The following KIAA1671 variants were observed in gnomAD, a reference collection of about 807,000 sequenced individuals.
KIAA1671 encodes the protein uncharacterized protein KIAA1671.
KIAA1671 carries 52 observed loss-of-function variants against 131.2 expected under a neutral mutation model. That is an observed-to-expected ratio of 0.40 (90% CI 0.32 to 0.50). The LOEUF (loss-of-function observed/expected upper bound fraction) is 0.50, where lower values mean the gene tolerates loss of function less well. Among genes scored for constraint, KIAA1671 ranks in the 20% least tolerant of loss-of-function variants. The pLI is 0.73. For synonymous variants in KIAA1671, 1,003 were observed against 961.6 expected (o/e 1.04, Z -0.80); for missense variants, 2,360 against 2,364.2 (o/e 1.00, Z 0.04).
At chr22:24,991,109 T>C (rs1923817490) in intron 1 of KIAA1671, among the ~76,000 whole-genome samples, 1 of 152,162 alleles carries the variant, frequency 6.6e-6, no homozygotes, top group Admixed American at 6.5e-5. Flanking sequence ...AACCTCCGCC[T>C]TCCGGGTTCA....
intron 1 of KIAA1671, among the ~76,000 whole-genome samples, chr22:25,004,117 ATTTT>A (rs112970400): frequency 7.1e-6 from 1 of 141,144 alleles, no homozygotes; most frequent in Admixed American, 7.1e-5. Context: ...GTGCCCGGCC[ATTTT>A]TTTTTTTTTT....
Position 25,039,060 on chromosome 22 carries a change from C to A in KIAA1671, c.1930C>A (p.Arg644Ser). 1.3e-6 allele frequency: 2 copies of A among 1,551,722 alleles called. No homozygotes were observed. The highest frequency in any genetic ancestry group is 1.7e-4 in the Middle Eastern group (1 of 5,992). ...ACCCCCTGGTGACATGGCCCATGCC[C>A]GTGTCTCAGAACCCAGGCCGAGGCC... The part of the protein sequence containing the change: ...TTPPGDMAHA[R>S]VSEPRPRPEM... The change falls in exon 5 of 13, where the codon CGT becomes AGT. Residue 644 changes from arginine (R) to serine (S), a missense_variant. This residue lies in a region of KIAA1671 where 1,185 missense variants were observed against 1,126.2 expected (regional missense o/e 1.05). Transcript: ENST00000358431.
intron 6 of KIAA1671, among the ~76,000 whole-genome samples, chr22:25,075,861 C>T (rs1024111525): frequency 2.7e-5 from 4 of 146,476 alleles, no homozygotes; most frequent in Non-Finnish European, 4.5e-5. Flanking sequence ...CTGCAACCTC[C>T]TCCTCCCGGG....
intron 6 of KIAA1671, among the ~76,000 whole-genome samples, chr22:25,096,405 G>A (rs1930391355): frequency 6.6e-6 from 1 of 152,158 alleles, no homozygotes; most frequent in Admixed American, 6.5e-5. Flanking sequence ...CCTCAGCTAC[G>A]TAGGAGTGGA....
chr22:25,030,102 G>A (rs1021155919), intron 3 of KIAA1671, among the ~76,000 whole-genome samples: 71 of 152,324 alleles, frequency 4.7e-4, no homozygotes, highest in African/African-American at 1.5e-3. Context: ...AAGTCAGTTG[G>A]TTAATAATGA....
rs1386227460 is a variant in KIAA1671 at position 25,041,398 on chromosome 22, C to T, written c.4268C>T (p.Ser1423Phe). 3 of 1,551,776 alleles carry T rather than the reference C, an allele frequency of 1.9e-6. No individual in the cohort carries two copies. The East Asian group carries it at 7.3e-5, about 38-fold the overall frequency. ...GPPANIREGL[S>F]IMHEARERRR... is the part of the protein sequence containing the mutation. Reference sequence around the variant, plus strand: ...CCTGCCAACATCCGAGAGGGCCTGTCCATCATGCATGAAGCCAGAGAGAGG... The same window carrying T: ...CCTGCCAACATCCGAGAGGGCCTGTTCATCATGCATGAAGCCAGAGAGAGG... The change falls in exon 5 of 13, where the codon TCC becomes TTC. Residue 1423 changes from serine to phenylalanine, a missense_variant. Ser to Phe is a radical substitution (Grantham distance 155). This residue lies in a region of KIAA1671 where 1,161 missense variants were observed against 1,204.7 expected (regional missense o/e 0.96). Coordinates refer to ENST00000358431, the MANE Select transcript of KIAA1671 (RefSeq NM_001145206.2).
intron 6 of KIAA1671, among the ~76,000 whole-genome samples, chr22:25,166,436 G>A (rs1933647609): frequency 6.6e-6 from 1 of 152,174 alleles, no homozygotes; most frequent in South Asian, 2.1e-4. Context: ...AAGAGGTCTG[G>A]AAACTGCCCC....
intron 5 of KIAA1671, 142 bp downstream of exon 5, chr22:25,041,667 A>G (rs742165): frequency 0.69 from 550,447 of 797,088 alleles, 194,360 homozygotes; most frequent in African/African-American, 0.93. Context: ...AGGGAGGGGT[A>G]TGGATTGTGG....
Position 25,177,418 on chromosome 22 carries a change from C to T in KIAA1671, c.4970C>T (p.Ala1657Val), listed in dbSNP as rs1204895796. 1.3e-6 allele frequency: 2 copies of T among 1,551,646 alleles called. No individual in the cohort carries two copies. Among genetic ancestry groups the T allele is most frequent in the Non-Finnish European group, 8.7e-7 (1 of 1,147,018 alleles). ...VQLSKRSRRRAPISHSLRRSR... is the reference protein window; with the variant it reads ...VQLSKRSRRRVPISHSLRRSR... ...CTCAGCAAGAGAAGCCGCCGCCGGG[C>T]CCCCATCTCCCACTCCCTCCGGCGC... is the stretch of plus-strand genomic sequence containing the variant. Residue 1657 changes from alanine to valine, a missense_variant, in exon 9 of 13, where the codon GCC becomes GTC. By Grantham distance (64) the Ala-to-Val change is moderately conservative. This residue lies in a region of KIAA1671 where 1,161 missense variants were observed against 1,204.7 expected (regional missense o/e 0.96). Transcript: ENST00000358431.
At chr22:25,118,666 T>C (rs1464136658) in intron 6 of KIAA1671, among the ~76,000 whole-genome samples, 1 of 151,790 alleles carries the variant, frequency 6.6e-6, no homozygotes, top group Admixed American at 6.6e-5. Flanking sequence ...TCCCATCCAG[T>C]CCATTCTCCT....
At position 25,039,719 on chromosome 22, in the gene KIAA1671, G is replaced by C. The variant is rs1169638563; in HGVS notation, c.2589G>C (p.Gly863=). Residue 863 remains glycine, a synonymous_variant, in exon 5 of 13, where the codon GGG becomes GGC. Transcript: ENST00000358431. ...CCATCTGGGAAAGCCAGCATGAGGG[G>C]CCAGAGGGGGCCAGAAGCAAGCCAG... ...KAAIWESQHE[G]PEGARSKPGV... The C allele has an allele frequency of 2.1e-5, 31 of 1,504,744 alleles. No individual in the cohort carries two copies. The African/African-American group carries it at 3.9e-4, about 19-fold the overall frequency. 93.2% of individuals were successfully genotyped at this position (1,504,744 alleles called of 1,614,324 possible).
At chr22:25,029,625 T>G in intron 3 of KIAA1671, 85 bp downstream of exon 3, 1 of 988,656 alleles carries the variant, frequency 1.0e-6, no homozygotes, top group Non-Finnish European at 1.4e-6. Context: ...TGCTGGGCAC[T>G]TGTCACCCCC....
chr22:25,181,946 GTT>G, intron 10 of KIAA1671, 123 bp downstream of exon 10: 1 of 1,082,784 alleles, frequency 9.2e-7, no homozygotes. Context: ...GGGAGGCCGA[GTT>G]GGGCGGATCA....
chr22:25,158,949 G>C (rs1375238016), intron 6 of KIAA1671, among the ~76,000 whole-genome samples: 1 of 152,192 alleles, frequency 6.6e-6, no homozygotes. Flanking sequence ...TAAGGAATTT[G>C]ACATGGTGCC....
chr22:25,083,407 G>T (rs142076345), intron 6 of KIAA1671, among the ~76,000 whole-genome samples: 40 of 147,762 alleles, frequency 2.7e-4, no homozygotes, highest in African/African-American at 9.7e-4. Flanking sequence ...GTACTAGGGG[G>T]TTAGGGCTTC....
chr22:25,129,042 T>C (rs1932312497), intron 6 of KIAA1671, among the ~76,000 whole-genome samples: 1 of 152,018 alleles, frequency 6.6e-6, no homozygotes, highest in African/African-American at 2.4e-5. Flanking sequence ...GGGCCCTGGG[T>C]GCAGAGGCTG....
At chr22:25,085,089 G>A (rs915434066) in intron 6 of KIAA1671, among the ~76,000 whole-genome samples, 1 of 152,258 alleles carries the variant, frequency 6.6e-6, no homozygotes, top group African/African-American at 2.4e-5. Flanking sequence ...AGTGGCAGGA[G>A]TGGCAGAGAA....
intron 11 of KIAA1671, among the ~76,000 whole-genome samples, chr22:25,190,098 TA>T (rs1934621449): frequency 6.6e-6 from 1 of 152,200 alleles, no homozygotes; most frequent in Non-Finnish European, 1.5e-5. Context: ...ACTTTATTTC[TA>T]TTATTATTAC....
In KIAA1671 at chr22:24,974,757, A is replaced by C. The variant is rs200949123; in HGVS notation, c.-208+21985A>C. Among the ~76,000 whole-genome samples, 9 of 123,528 alleles carry C rather than the reference A, an allele frequency of 7.3e-5. No homozygotes were observed. The East Asian group carries it at 2.3e-3, about 31-fold the overall frequency. The allele number at this position is 123,528 out of a possible 152,430, so 81.0% of individuals were successfully genotyped here. A position where few individuals can be genotyped will look rare whatever the true frequency, so the allele number is the denominator to read the frequency against. On this transcript the variant is annotated intron_variant, in intron 1 of 12. Coordinates refer to ENST00000358431, the MANE Select transcript of KIAA1671 (RefSeq NM_001145206.2). ...GCCCAGGCTGGAGTGTAATGGCGTG[A>C]TCTCGGCTCACTGCAACCTCAACTT... is the stretch of plus-strand genomic sequence containing the variant.
Sources: gnomAD v4.1 joint callset for allele counts (sites outside exome capture counted in the v4.1 genomes callset) on GRCh38, gnomAD v4.1.1 for gene constraint, gnomAD v4.1.1 regional missense constraint, MANE v1.5 for transcripts, NCBI Gene and HGNC (gene_info 2026-07-23, HGNC 2026-07-21) for gene names.